Variants in CDC14A observed in about 807,000 individuals in gnomAD.
The protein encoded by CDC14A is dual specificity protein phosphatase CDC14A.
A neutral mutation model predicts 74.4 loss-of-function variants in CDC14A; 53 were observed. The observed-to-expected ratio is 0.71, with a 90% confidence interval of 0.57 to 0.89. The LOEUF (loss-of-function observed/expected upper bound fraction) is 0.89, where lower values mean the gene tolerates loss of function less well. Among genes scored for constraint, CDC14A ranks in the 40% least tolerant of loss-of-function variants. CDC14A has a pLI of 0.00. For synonymous variants in CDC14A, 247 were observed against 258.4 expected (o/e 0.96, Z 0.43); for missense variants, 646 against 713.7 (o/e 0.91, Z 1.08).
intron 10 of CDC14A, among the ~76,000 whole-genome samples, chr1:100,474,985 T>C (rs1036280965): frequency 8.5e-5 from 13 of 152,164 alleles, no homozygotes; most frequent in African/African-American, 3.1e-4. Context: ...ATTATTTACT[T>C]AAGTGCTTTC....
intron 7 of CDC14A, among the ~76,000 whole-genome samples, chr1:100,447,532 A>C (rs1262913112): frequency 6.6e-6 from 1 of 152,240 alleles, no homozygotes; most frequent in Non-Finnish European, 1.5e-5. Flanking sequence ...CAGCTTCTTA[A>C]GGTATTCTCA....
At chr1:100,371,457 T>C (rs1654461989) in intron 2 of CDC14A, among the ~76,000 whole-genome samples, 1 of 152,214 alleles carries the variant, frequency 6.6e-6, no homozygotes, top group Non-Finnish European at 1.5e-5. Context: ...TCTTATTATT[T>C]TGGGGTATGT....
intron 7 of CDC14A, among the ~76,000 whole-genome samples, chr1:100,450,965 G>A (rs1349466812): frequency 6.6e-6 from 1 of 152,040 alleles, no homozygotes; most frequent in Non-Finnish European, 1.5e-5. Flanking sequence ...TCTCTAATTC[G>A]CATTCCTTCC....
At chr1:100,391,002 G>C in intron 4 of CDC14A, 178 bp downstream of exon 4, 1 of 658,602 alleles carries the variant, frequency 1.5e-6, no homozygotes, top group Non-Finnish European at 2.8e-6. Flanking sequence ...TTACTCTTTA[G>C]ATTTTATTTT....
intron 5 of CDC14A, among the ~76,000 whole-genome samples, chr1:100,431,273 T>C (rs1663644176): frequency 6.6e-6 from 1 of 152,086 alleles, no homozygotes; most frequent in Non-Finnish European, 1.5e-5. Flanking sequence ...TGGTGATTTG[T>C]GTTGCGAAAA....
chr1:100,447,110 TG>T (rs1166222998), intron 7 of CDC14A, among the ~76,000 whole-genome samples: 9 of 152,194 alleles, frequency 5.9e-5, no homozygotes, highest in Non-Finnish European at 8.8e-5. Flanking sequence ...GGCTAGCCAA[TG>T]TACTGTCATA....
At chr1:100,363,735 A>G (rs1408481075) in intron 2 of CDC14A, among the ~76,000 whole-genome samples, 2 of 151,938 alleles carry the variant, frequency 1.3e-5, no homozygotes, top group Admixed American at 1.3e-4. Flanking sequence ...GTGTATCTGG[A>G]TATGTGGCAT....
At chr1:100,424,155 A>G in intron 4 of CDC14A, 67 bp from the exon 5 acceptor site, 4 of 1,201,940 alleles carry the variant, frequency 3.3e-6, no homozygotes, top group Non-Finnish European at 5.0e-6. Context: ...GTGAAATGCA[A>G]ATTTGGTGAG....
chr1:100,450,429 C>T (rs927513033), intron 7 of CDC14A, among the ~76,000 whole-genome samples: 1 of 152,152 alleles, frequency 6.6e-6, no homozygotes, highest in African/African-American at 2.4e-5. Flanking sequence ...AATAATGGGA[C>T]TGCCATAGGA....
At chr1:100,437,562 C>T (rs953868945) in intron 5 of CDC14A, among the ~76,000 whole-genome samples, 1 of 152,178 alleles carries the variant, frequency 6.6e-6, no homozygotes. Flanking sequence ...CTTCTCTGTG[C>T]CTTTTCAGCC....
At chr1:100,346,315 T>G (rs2100856513) in intron 1 of CDC14A, among the ~76,000 whole-genome samples, 1 of 152,238 alleles carries the variant, frequency 6.6e-6, no homozygotes, top group South Asian at 2.1e-4. Flanking sequence ...GTAAAAATGT[T>G]CACTTATTTT....
At chr1:100,366,093 AT>A (rs1653558839) in intron 2 of CDC14A, among the ~76,000 whole-genome samples, 2 of 152,192 alleles carry the variant, frequency 1.3e-5, no homozygotes, top group South Asian at 4.1e-4. Context: ...CTGGTGACCA[AT>A]AGGCTTTTAG....
chr1:100,376,097 A>G (rs1045327873), intron 2 of CDC14A, among the ~76,000 whole-genome samples: 4 of 152,016 alleles, frequency 2.6e-5, no homozygotes, highest in African/African-American at 9.7e-5. Context: ...GAACTGAACA[A>G]TGAGAACACT....
At position 100,352,529 on chromosome 1, in the gene CDC14A, C is replaced by T. The variant is rs1268724840; in HGVS notation, c.-426C>T. 16 of 1,033,324 alleles carry T rather than the reference C, an allele frequency of 1.5e-5. No homozygotes were observed. The highest frequency in any genetic ancestry group is 4.7e-4 in the Middle Eastern group (1 of 2,148). 64.0% of individuals were successfully genotyped at this position (1,033,324 alleles called of 1,614,324 possible). A position where few individuals can be genotyped will look rare whatever the true frequency, so the allele number is the denominator to read the frequency against. On this transcript the variant is annotated 5_prime_UTR_variant, in exon 1 of 16. Transcript: ENST00000336454. Reference sequence around the variant, plus strand: ...GGAGCAGCTGCTGCCAGCCCGCGGGCACTGAAGTCCTCCCGGCTGCCGCTC... The same window carrying T: ...GGAGCAGCTGCTGCCAGCCCGCGGGTACTGAAGTCCTCCCGGCTGCCGCTC...
chr1:100,516,736 C>T (rs1054149480), intron 15 of CDC14A, among the ~76,000 whole-genome samples: 2 of 152,160 alleles, frequency 1.3e-5, no homozygotes, highest in East Asian at 1.9e-4. Flanking sequence ...TGTATATGGG[C>T]TTCAAGGCTT....
chr1:100,363,628 A>G (rs370442512), intron 2 of CDC14A, among the ~76,000 whole-genome samples: 1 of 138,842 alleles, frequency 7.2e-6, no homozygotes, highest in Admixed American at 7.0e-5. Context: ...TTTTTTTTTT[A>G]TAAAATTTAA....
chr1:100,445,834 ACTT>A (rs1246015420), intron 7 of CDC14A, among the ~76,000 whole-genome samples: 2 of 152,200 alleles, frequency 1.3e-5, no homozygotes, highest in East Asian at 1.9e-4. Flanking sequence ...TTGTCAAACA[ACTT>A]CTTTTTTTTG....
At chr1:100,486,997 T>C (rs539284426) in intron 11 of CDC14A, among the ~76,000 whole-genome samples, 50 of 152,218 alleles carry the variant, frequency 3.3e-4, no homozygotes, top group Non-Finnish European at 6.6e-4. Context: ...ATTATTCTTA[T>C]AAATTGCACA....
intron 5 of CDC14A, among the ~76,000 whole-genome samples, chr1:100,439,118 AAAAACTTAAAT>A (rs1664646834): frequency 6.6e-6 from 1 of 152,202 alleles, no homozygotes; most frequent in Non-Finnish European, 1.5e-5. Flanking sequence ...AAATTGCTCT[AAAAACTTAAAT>A]AAAGTATGAA....
Sources: gnomAD v4.1 joint callset for allele counts (sites outside exome capture counted in the v4.1 genomes callset) on GRCh38, gnomAD v4.1.1 for gene constraint, MANE v1.5 for transcripts, NCBI Gene and HGNC (gene_info 2026-07-23, HGNC 2026-07-21) for gene names.